The following PHKG2 variants were observed in gnomAD, a reference collection of about 807,000 sequenced individuals.
PHKG2 encodes phosphorylase b kinase gamma catalytic chain, liver/testis isoform.
Under a neutral mutation model 44.5 loss-of-function variants are expected in PHKG2, and 28 were observed. The observed-to-expected ratio is 0.63, with a 90% CI of 0.47 to 0.86. The LOEUF (loss-of-function observed/expected upper bound fraction) is 0.86, where lower values mean the gene tolerates loss of function less well. Among genes scored for constraint, PHKG2 ranks in the 40% least tolerant of loss-of-function variants. PHKG2 has a pLI of 0.00. For synonymous variants in PHKG2, 220 were observed against 211.2 expected, an observed-to-expected ratio of 1.04 and a Z score of -0.36; for missense variants, 498 against 547.5, an observed-to-expected ratio of 0.91 and a Z score of 0.90.
chr16:30,753,288 A>G lies in PHKG2; in HGVS notation c.383A>G (p.Lys128Arg), dbSNP rs1286782051. ...ACAGAGAAGGTGGCCCTCTCTGAAAAGGAAACCAGGTAAGGGTTGAGCCTG... is the reference window on the plus strand; with the variant it reads ...ACAGAGAAGGTGGCCCTCTCTGAAAGGGAAACCAGGTAAGGGTTGAGCCTG... ...YLTEKVALSE[K>R]ETRSIMRSLL... Residue 128 changes from lysine (K) to arginine (R), a missense_variant, in exon 5 of 10, where the codon AAG (lysine) becomes AGG (arginine). Physicochemically the swap from Lys to Arg is conservative, Grantham distance 26 (BLOSUM62 2). Coordinates refer to ENST00000563588, the MANE Select transcript of PHKG2 (RefSeq NM_000294.3). 1.2e-6 allele frequency: 2 copies of G among 1,613,920 alleles called. No individual in the cohort carries two copies. Among genetic ancestry groups the G allele is most frequent in the African/African-American group, 1.3e-5 (1 of 74,912 alleles).
At position 30,760,007 on chromosome 16, in the gene PHKG2, C is replaced by T; in HGVS notation, c.*2910C>T. The T allele has an allele frequency of 1.4e-6, 2 of 1,471,042 alleles. No individual in the cohort carries two copies. Among genetic ancestry groups the T allele is most frequent in the Non-Finnish European group, 1.8e-6 (2 of 1,117,924 alleles). The allele number at this position is 1,471,042 out of a possible 1,614,324, so 91.1% of individuals were successfully genotyped here. On this transcript the variant is annotated 3_prime_UTR_variant, in exon 10 of 10. Transcript: ENST00000563588. ...ATTTCAGCTATTAAACATTCTGAAG[C>T]AAGAGCTATTAAACATTCTAAAGCA...
At chr16:30,753,797 G>A (rs1037243327) in intron 6 of PHKG2, among the ~76,000 whole-genome samples, 1 of 152,192 alleles carries the variant, frequency 6.6e-6, no homozygotes, top group Admixed American at 6.5e-5. Flanking sequence ...CAGAGGGCCA[G>A]GCCAGGGGAA....
chr16:30,750,105 G>A (rs1458730950), intron 2 of PHKG2, among the ~76,000 whole-genome samples: 1 of 152,130 alleles, frequency 6.6e-6, no homozygotes, highest in Non-Finnish European at 1.5e-5. Flanking sequence ...TGGTTGCGCA[G>A]GAAATTGAAA....
chr16:30,760,260 A>T lies in PHKG2; in HGVS notation c.*3163A>T. ...CGGTTCCTCTTCTCCCTGGGGCTCA[A>T]ACCTGGTAGCTGCCCCCTCTCACCA... On this transcript the variant is annotated 3_prime_UTR_variant, in exon 10 of 10. Transcript: ENST00000563588. 2 of 1,614,098 alleles carry T rather than the reference A, an allele frequency of 1.2e-6. No individual in the cohort carries two copies. The highest frequency in any genetic ancestry group is 1.7e-6 in the Non-Finnish European group (2 of 1,180,020).
Position 30,757,097 on chromosome 16 carries a change from G to A in PHKG2, c.1221G>A (p.Ter407=). 1 of 1,613,178 alleles carries A rather than the reference G, an allele frequency of 6.2e-7. No individual in the cohort carries two copies. Among genetic ancestry groups the A allele is most frequent in the Non-Finnish European group, 8.5e-7 (1 of 1,180,018 alleles). Residue 407 remains the stop codon, a stop_retained_variant, in exon 10 of 10, where the codon TAG becomes TAA. Coordinates refer to ENST00000563588, the MANE Select transcript of PHKG2 (RefSeq NM_000294.3). The part of the protein sequence containing the change: ...TEDEAVLVLG[*] ...ATGAGGCCGTGCTTGTGCTGGGCTA[G>A]GACCTCAACCCCAGGGATTCCCAGG...
intron 3 of PHKG2, 27 bp from the exon 4 acceptor site, chr16:30,751,522 T>C (rs200601101): frequency 1.0e-3 from 1,632 of 1,601,192 alleles, no homozygotes; most frequent in Non-Finnish European, 1.3e-3. Context: ...CATCTCTGTC[T>C]CTCTGCCTCT....
At position 30,756,735 on chromosome 16, in the gene PHKG2, G is replaced by C. The variant is rs2053433995; in HGVS notation, c.927+20G>C. 1.2e-6 allele frequency: 2 copies of C among 1,613,858 alleles called. No individual in the cohort carries two copies. Among genetic ancestry groups the C allele is most frequent in the Admixed American group, 1.7e-5 (1 of 59,988 alleles). Reference sequence around the variant, plus strand: ...TTCCGGGTAAGCCTGAGTGTATCAGGGTCTGGGCCCGTTTCTCTGTCCCAT... The same window carrying C: ...TTCCGGGTAAGCCTGAGTGTATCAGCGTCTGGGCCCGTTTCTCTGTCCCAT... On this transcript the variant is annotated intron_variant, in intron 9 of 9. Coordinates refer to ENST00000563588, the MANE Select transcript of PHKG2 (RefSeq NM_000294.3).
chr16:30,757,917 C>T lies in PHKG2; in HGVS notation c.*820C>T. On this transcript the variant is annotated 3_prime_UTR_variant, in exon 10 of 10. Coordinates refer to ENST00000563588, the MANE Select transcript of PHKG2 (RefSeq NM_000294.3). ...AGGCAGGTTATTTAACCTATCTGTG[C>T]CTCAGTTTCCTTGTATGAAATGTGG... 1 of 844,710 alleles carries T rather than the reference C, an allele frequency of 1.2e-6. No individual in the cohort carries two copies. 52.3% of individuals were successfully genotyped at this position (844,710 alleles called of 1,614,324 possible).
chr16:30,751,411 G>A (rs982179665), intron 3 of PHKG2, 130 bp downstream of exon 3: 7 of 1,299,966 alleles, frequency 5.4e-6, no homozygotes, highest in East Asian at 2.3e-5. Flanking sequence ...GTGGCCATCC[G>A]TTGGGCGCCC....
intron 6 of PHKG2, chr16:30,755,288 G>A (rs1294096288): frequency 5.5e-6 from 1 of 180,744 alleles, no homozygotes; most frequent in Non-Finnish European, 1.2e-5. Context: ...GTTTTGGAGG[G>A]CTCTGGACTT....
intron 6 of PHKG2, among the ~76,000 whole-genome samples, chr16:30,754,415 C>T (rs909579132): frequency 6.6e-6 from 1 of 152,148 alleles, no homozygotes; most frequent in Non-Finnish European, 1.5e-5. Flanking sequence ...ATCCTCCTGT[C>T]CCAGCCTCCA....
chr16:30,749,008 T>A (rs2053294215), intron 2 of PHKG2, 93 bp downstream of exon 2: 5 of 4,954 alleles, frequency 1.0e-3, no homozygotes, highest in Non-Finnish European at 1.5e-3. Flanking sequence ...CGGGTGGTGG[T>A]GGTGGTGGTG....
At chr16:30,752,259 A>G (rs1488788993) in intron 4 of PHKG2, among the ~76,000 whole-genome samples, 1 of 5,760 alleles carries the variant, frequency 1.7e-4, no homozygotes, top group African/African-American at 6.0e-4. Flanking sequence ...TTGGCCAGGC[A>G]TGGTGGTCGG....
chr16:30,759,004 A>G lies in PHKG2; in HGVS notation c.*1907A>G. 1.2e-6 allele frequency: 2 copies of G among 1,614,176 alleles called. No individual in the cohort carries two copies. Among genetic ancestry groups the G allele is most frequent in the African/African-American group, 2.7e-5 (2 of 75,054 alleles). The stretch of plus-strand genomic sequence containing the variant: ...GGACAGGGCAGCCTGCCCTCTCCAG[A>G]TCCTCACTTGGCTCTGGCTCTGGTG... On this transcript the variant is annotated 3_prime_UTR_variant, in exon 10 of 10. Transcript: ENST00000563588.
Position 30,758,873 on chromosome 16 carries a change from C to T in PHKG2, c.*1776C>T. On this transcript the variant is annotated 3_prime_UTR_variant, in exon 10 of 10. Coordinates refer to ENST00000563588, the MANE Select transcript of PHKG2 (RefSeq NM_000294.3). Reference sequence around the variant, plus strand: ...CTGCAGCTGTGCTTTTATCTGTCATCTTGGACTTCTGCATAAGGGATCATT... The same window carrying T: ...CTGCAGCTGTGCTTTTATCTGTCATTTTGGACTTCTGCATAAGGGATCATT... 2 of 1,413,962 alleles carry T rather than the reference C, an allele frequency of 1.4e-6. No homozygotes were observed. Among genetic ancestry groups the T allele is most frequent in the South Asian group, 1.4e-5 (1 of 71,312 alleles). The allele number at this position is 1,413,962 out of a possible 1,614,324, so 87.6% of individuals were successfully genotyped here.
intron 2 of PHKG2, 80 bp from the exon 3 acceptor site, chr16:30,751,026 C>T: frequency 7.0e-7 from 1 of 1,422,474 alleles, no homozygotes; most frequent in Non-Finnish European, 9.8e-7. Flanking sequence ...GCACAGCGGG[C>T]ATGAGGATGC....
rs2053734201 is a variant in PHKG2, at chr16:30,760,971, C to G, written c.*3874C>G. 1 of 613,362 alleles carries G rather than the reference C, an allele frequency of 1.6e-6. No homozygotes were observed. Among genetic ancestry groups the G allele is most frequent in the African/African-American group, 1.8e-5 (1 of 54,086 alleles). 38.0% of individuals were successfully genotyped at this position (613,362 alleles called of 1,614,324 possible). ...TCCCCCTCTGTACAATACTCCTTAG[C>G]GGCCATGAGACTCCATTTACATTCT... On this transcript the variant is annotated 3_prime_UTR_variant, in exon 10 of 10. Coordinates refer to ENST00000563588, the MANE Select transcript of PHKG2 (RefSeq NM_000294.3).
In PHKG2 at chr16:30,757,604, G is replaced by A; in HGVS notation, c.*507G>A. On this transcript the variant is annotated 3_prime_UTR_variant, in exon 10 of 10. Transcript: ENST00000563588. ...TCCACCAGCCCCTGGAGCTGCTCCAGCTCTTTGTTCACTTGGGTCTTGATG... is the reference window on the plus strand; with the variant it reads ...TCCACCAGCCCCTGGAGCTGCTCCAACTCTTTGTTCACTTGGGTCTTGATG... 6.2e-7 allele frequency: 1 copy of A among 1,614,192 alleles called. No homozygotes were observed. The highest frequency in any genetic ancestry group is 8.5e-7 in the Non-Finnish European group (1 of 1,180,016).
At chr16:30,751,687 C>G in intron 4 of PHKG2, 84 bp downstream of exon 4, 1 of 1,119,382 alleles carries the variant, frequency 8.9e-7, no homozygotes, top group Non-Finnish European at 1.4e-6. Flanking sequence ...TGGGCTGGAC[C>G]CATCCTGCTC....
Sources: allele counts gnomAD v4.1 joint callset (sites outside exome capture counted in the v4.1 genomes callset), GRCh38; gene constraint gnomAD v4.1.1; transcripts MANE v1.5; gene names NCBI Gene and HGNC (gene_info 2026-07-23, HGNC 2026-07-21).